The following GIGYF2 variants were observed in gnomAD, a reference collection of about 807,000 sequenced individuals.
GIGYF2 encodes GRB10 interacting GYF protein 2, also known as GRB10-interacting GYF protein 2.
Under a neutral mutation model 208.1 loss-of-function variants are expected in GIGYF2, and 25 were observed. The observed-to-expected ratio is 0.12, with a 90% CI of 0.09 to 0.17. The LOEUF is 0.17. Among genes scored for constraint, GIGYF2 ranks in the 10% least tolerant of loss-of-function variants. The pLI, the probability that GIGYF2 is intolerant of heterozygous loss-of-function variation, is 1.00. For missense variants in GIGYF2, 1,302 were observed against 1,579.4 expected, an observed-to-expected ratio of 0.82 and a Z score of 2.98; for synonymous variants, 534 against 543.8, an observed-to-expected ratio of 0.98 and a Z score of 0.25.
chr2:232,807,572 G>T (rs1370738021), intron 15 of GIGYF2, among the ~76,000 whole-genome samples: 1 of 152,062 alleles, frequency 6.6e-6, no homozygotes, highest in Non-Finnish European at 1.5e-5. Context: ...TCTTTCTAGG[G>T]CTCTGACACT....
rs923378228 is a variant in GIGYF2, at chr2:232,833,432, G to C, written c.2766+339G>C. On this transcript the variant is annotated intron_variant, in intron 22 of 28. Coordinates refer to ENST00000373563, the MANE Select transcript of GIGYF2 (RefSeq NM_001103146.3). Reference sequence around the variant, plus strand: ...AGATGGTGTTTCACCATGTTGCCCAGTGCTGGGATTACAGGTGTGAGCCAC... The same window carrying C: ...AGATGGTGTTTCACCATGTTGCCCACTGCTGGGATTACAGGTGTGAGCCAC... Among the ~76,000 whole-genome samples the C allele has an allele frequency of 2.6e-5, 4 of 152,186 alleles. No homozygotes were observed. The South Asian group carries it at 8.3e-4, about 32-fold the overall frequency.
intron 8 of GIGYF2, 82 bp downstream of exon 8, chr2:232,761,518 G>A: frequency 1.2e-6 from 1 of 804,434 alleles, no homozygotes. Context: ...AGATGGGGCT[G>A]CAGCATTTCC....
intron 14 of GIGYF2, among the ~76,000 whole-genome samples, chr2:232,803,280 C>T (rs1240111984): frequency 2.0e-5 from 3 of 152,150 alleles, no homozygotes; most frequent in Non-Finnish European, 2.9e-5. Flanking sequence ...TTTATCTTTT[C>T]ATTTCATTCT....
At chr2:232,783,936 C>T (rs1439478594) in intron 8 of GIGYF2, among the ~76,000 whole-genome samples, 1 of 152,196 alleles carries the variant, frequency 6.6e-6, no homozygotes, top group Admixed American at 6.5e-5. Context: ...GATCCGCCCG[C>T]CTCGGCCTCC....
chr2:232,818,656 G>A (rs1391946153), intron 20 of GIGYF2, among the ~76,000 whole-genome samples: 1 of 151,872 alleles, frequency 6.6e-6, no homozygotes, highest in African/African-American at 2.4e-5. Context: ...TTTGGAGACA[G>A]AGTCTCACTC....
chr2:232,836,701 G>C (rs1479333890), intron 22 of GIGYF2, among the ~76,000 whole-genome samples: 1 of 151,722 alleles, frequency 6.6e-6, no homozygotes, highest in African/African-American at 2.4e-5. Flanking sequence ...ATTTCTTCTA[G>C]TTTTCTTTAA....
intron 3 of GIGYF2, among the ~76,000 whole-genome samples, chr2:232,743,597 A>C (rs904085346): frequency 6.6e-6 from 1 of 152,150 alleles, no homozygotes; most frequent in Non-Finnish European, 1.5e-5. Flanking sequence ...AGTGTCTATC[A>C]TTCCCTTCTT....
At chr2:232,822,658 A>G (rs1701126838) in intron 21 of GIGYF2, among the ~76,000 whole-genome samples, 1 of 151,548 alleles carries the variant, frequency 6.6e-6, no homozygotes, top group Non-Finnish European at 1.5e-5. Context: ...AGCCTGGGCG[A>G]CAGGGCAAGA....
chr2:232,832,998 C>T lies in GIGYF2; in HGVS notation c.2671C>T (p.Arg891Trp). 3.8e-6 allele frequency: 6 copies of T among 1,573,342 alleles called. No individual in the cohort carries two copies. Among genetic ancestry groups the T allele is most frequent in the Non-Finnish European group, 3.5e-6 (4 of 1,159,044 alleles). Residue 891 changes from arginine to tryptophan, a missense_variant, in exon 22 of 29, where the codon CGG becomes TGG. Coordinates refer to ENST00000373563, the MANE Select transcript of GIGYF2 (RefSeq NM_001103146.3). ...GAAGAGAAAGGAGCTGGAGGTCCAG[C>T]GGCAGAAGGAGTTAATGCGCCAGAG... ...ERKRKELEVQ[R>W]QKELMRQRQQ...
chr2:232,833,616 TGTTTG>T (rs1202114253), intron 22 of GIGYF2, among the ~76,000 whole-genome samples: 2 of 152,230 alleles, frequency 1.3e-5, no homozygotes, highest in African/African-American at 4.8e-5. Context: ...CAAGTAAATC[TGTTTG>T]GTTTGTAAAT....
chr2:232,730,536 C>T (rs1247711502), intron 2 of GIGYF2, among the ~76,000 whole-genome samples: 5 of 149,180 alleles, frequency 3.4e-5, no homozygotes, highest in African/African-American at 7.5e-5. Context: ...ACCTGGGAGA[C>T]GAAGGTTGCA....
intron 8 of GIGYF2, among the ~76,000 whole-genome samples, chr2:232,778,250 A>G (rs1699595864): frequency 6.6e-6 from 1 of 152,192 alleles, no homozygotes; most frequent in Non-Finnish European, 1.5e-5. Flanking sequence ...AATACATATT[A>G]TAGTAGGCAA....
chr2:232,710,084 A>C (rs891360893), intron 2 of GIGYF2, among the ~76,000 whole-genome samples: 1 of 151,642 alleles, frequency 6.6e-6, no homozygotes, highest in Non-Finnish European at 1.5e-5. Context: ...CTCAGCCTCC[A>C]GAGTAGCTGG....
At position 232,776,650 on chromosome 2, in the gene GIGYF2, A is replaced by C. The variant is rs1699526543; in HGVS notation, c.533-10500A>C. 2.2e-5 allele frequency: 13 copies of C among 600,108 alleles called. No individual in the cohort carries two copies. The South Asian group carries it at 2.7e-4, about 12-fold the overall frequency. 37.2% of individuals were successfully genotyped at this position (600,108 alleles called of 1,614,324 possible). ...TGATGTGATTGGTCACTTAGCCTGC[A>C]GGGGGGCCAATTAGCTCTGATCATG... On this transcript the variant is annotated intron_variant, in intron 8 of 28. Coordinates refer to ENST00000373563, the MANE Select transcript of GIGYF2 (RefSeq NM_001103146.3).
intron 18 of GIGYF2, among the ~76,000 whole-genome samples, chr2:232,813,902 T>C (rs1003459890): frequency 3.2e-4 from 47 of 147,616 alleles, no homozygotes; most frequent in East Asian, 4.0e-4. Context: ...TTTTTTTTTT[T>C]TTTGAGACAG....
intron 1 of GIGYF2, among the ~76,000 whole-genome samples, chr2:232,701,939 A>G (rs1022902544): frequency 4.7e-4 from 71 of 151,932 alleles, no homozygotes; most frequent in Non-Finnish European, 6.2e-4. Flanking sequence ...AGGCTGAGGT[A>G]GGAGGATCAC....
At chr2:232,796,947 A>G (rs1165808825) in intron 14 of GIGYF2, among the ~76,000 whole-genome samples, 6 of 152,180 alleles carry the variant, frequency 3.9e-5, no homozygotes, top group Non-Finnish European at 8.8e-5. Context: ...TTTAAAACTT[A>G]AGCAAAACGT....
chr2:232,715,990 GC>G (rs2106264288), intron 2 of GIGYF2, among the ~76,000 whole-genome samples: 1 of 152,204 alleles, frequency 6.6e-6, no homozygotes, highest in Non-Finnish European at 1.5e-5. Context: ...AAAGAATATT[GC>G]AAGTTATGAG....
intron 8 of GIGYF2, among the ~76,000 whole-genome samples, chr2:232,784,862 T>TG (rs1699861546): frequency 6.6e-6 from 1 of 152,074 alleles, no homozygotes; most frequent in Non-Finnish European, 1.5e-5. Flanking sequence ...GGGAGGTGTT[T>TG]GGGTCATGAG....
Sources: allele counts gnomAD v4.1 joint callset (sites outside exome capture counted in the v4.1 genomes callset), GRCh38; gene constraint gnomAD v4.1.1; transcripts MANE v1.5; gene names NCBI Gene and HGNC (gene_info 2026-07-23, HGNC 2026-07-21).